TUBB6: variants seen among roughly 807,000 people sequenced by gnomAD.
TUBB6 encodes the protein tubulin beta 6 class V.
In TUBB6, 18 loss-of-function variants were observed where a neutral mutation model predicts 32.3. That is an observed-to-expected ratio of 0.56 (90% confidence interval 0.39 to 0.83). The LOEUF (loss-of-function observed/expected upper bound fraction) is 0.83, where lower values mean the gene tolerates loss of function less well. TUBB6 is among the 40% of genes least tolerant of loss of function. The probability of loss-of-function intolerance (pLI) is 0.00; values close to 1 mark genes in which losing one functional copy is unlikely to be tolerated. For synonymous variants in TUBB6, 280 were observed against 265.8 expected (o/e 1.05, Z -0.52); for missense variants, 480 against 632.0 (o/e 0.76, Z 2.58).
In TUBB6 at chr18:12,308,277, C is replaced by T. The variant is rs1906107745; in HGVS notation, c.-16C>T. 2 of 1,439,720 alleles carry T rather than the reference C, an allele frequency of 1.4e-6. No individual in the cohort carries two copies. Among genetic ancestry groups the T allele is most frequent in the East Asian group, 3.1e-5 (1 of 31,986 alleles). 89.2% of individuals were successfully genotyped at this position (1,439,720 alleles called of 1,614,324 possible). A position where few individuals can be genotyped will look rare whatever the true frequency, so the allele number is the denominator to read the frequency against. ...TCGTCCGCAGAGCCAGTTCCTAGCG[C>T]AGAGCCGCGCCCGCCATGAGGGAGA... On this transcript the variant is annotated 5_prime_UTR_variant, in exon 1 of 4. Coordinates refer to ENST00000317702, the MANE Select transcript of TUBB6 (RefSeq NM_032525.3).
chr18:12,322,116 C>G (rs1037905526), intron 3 of TUBB6, among the ~76,000 whole-genome samples: 30 of 151,192 alleles, frequency 2.0e-4, no homozygotes, highest in Non-Finnish European at 2.9e-5. Context: ...GCCTGGCCAA[C>G]GTGGTGAAAC....
rs762121516 is a variant in TUBB6 at position 12,325,415 on chromosome 18, A to G, written c.626A>G (p.Asp209Gly). The G allele has an allele frequency of 1.2e-6, 2 of 1,614,196 alleles. No individual in the cohort carries two copies. The highest frequency in any genetic ancestry group is 1.7e-6 in the Non-Finnish European group (2 of 1,180,032). Reference protein sequence around the residue: ...TYCIDNEALYDICFRTLKLTT... With the variant: ...TYCIDNEALYGICFRTLKLTT... ...TGCATCGACAACGAGGCGCTCTATG[A>G]CATCTGCTTCCGCACTCTGAAGCTG... is the stretch of plus-strand genomic sequence containing the variant. The change falls in exon 4 of 4, where the codon GAC (aspartate) becomes GGC (glycine). Residue 209 changes from aspartate to glycine, a missense_variant. Transcript: ENST00000317702.
At chr18:12,324,140 C>T (rs1219194470) in intron 3 of TUBB6, among the ~76,000 whole-genome samples, 2 of 152,032 alleles carry the variant, frequency 1.3e-5, no homozygotes, top group African/African-American at 2.4e-5. Flanking sequence ...GAGGCCGAGG[C>T]GGGCGGATCA....
intron 3 of TUBB6, among the ~76,000 whole-genome samples, chr18:12,317,891 T>G (rs7226483): frequency 0.11 from 16,499 of 152,222 alleles, 1,017 homozygotes; most frequent in East Asian, 0.22. Flanking sequence ...GGCAAAATAT[T>G]TTTCAGAAGT....
chr18:12,325,372 A>AATAC lies in TUBB6; in HGVS notation c.585_588dup (p.Asp197TyrfsTer14). On this transcript the variant is annotated frameshift_variant, in exon 4 of 4. Transcript: ENST00000317702. LOFTEE classifies it high-confidence loss of function. ...ACTGTCGGTGCACCAGCTGGTGGAG[A>AATAC]ATACAGACGAGACCTACTGCATCGA... 6.2e-7 allele frequency: 1 copy of AATAC among 1,614,156 alleles called. No individual in the cohort carries two copies. The highest frequency in any genetic ancestry group is 8.5e-7 in the Non-Finnish European group (1 of 1,180,024).
downstream of TUBB6, chr18:12,329,307 C>T: frequency 1.5e-6 from 1 of 684,574 alleles, no homozygotes; most frequent in East Asian, 2.7e-5. Flanking sequence ...ACTCTGGGCT[C>T]AACCTTTCCA....
In TUBB6 at chr18:12,326,033, T is replaced by C; in HGVS notation, c.1244T>C (p.Met415Thr). ...EMEFTEAESN[M>T]NDLVSEYQQY... ...GAGTTCACCGAGGCGGAGAGCAACA[T>C]GAACGACCTGGTATCCGAGTACCAG... Residue 415 changes from methionine to threonine, a missense_variant, in exon 4 of 4, where the codon ATG becomes ACG. Transcript: ENST00000317702. 4 of 1,614,084 alleles carry C rather than the reference T, an allele frequency of 2.5e-6. No individual in the cohort carries two copies. In the South Asian group the frequency reaches 4.4e-5, roughly 18 times the overall value.
At position 12,310,960 on chromosome 18, in the gene TUBB6, A is replaced by G. The variant is rs963060526; in HGVS notation, c.184A>G (p.Arg62Gly). The change falls in exon 3 of 4, where the codon AGG (arginine) becomes GGG (glycine). Residue 62 changes from arginine (R) to glycine (G), a missense_variant. Transcript: ENST00000317702. Reference protein sequence around the residue: ...NESSSQKYVPRAALVDLEPGT... With the variant: ...NESSSQKYVPGAALVDLEPGT... ...TCCTCCAGCTCAGAAATATGTGCCC[A>G]GGGCCGCCCTGGTGGACTTAGAGCC... 3.7e-6 allele frequency: 6 copies of G among 1,611,492 alleles called. No individual in the cohort carries two copies. The highest frequency in any genetic ancestry group is 3.4e-5 in the Admixed American group (2 of 59,080).
At position 12,325,564 on chromosome 18, in the gene TUBB6, C is replaced by T; in HGVS notation, c.775C>T (p.Pro259Ser). ...GCGCAAGCTGGCGGTGAACATGGTGCCCTTCCCGCGCCTGCACTTCTTCAT... is the reference window on the plus strand; with the variant it reads ...GCGCAAGCTGGCGGTGAACATGGTGTCCTTCCCGCGCCTGCACTTCTTCAT... ...DLRKLAVNMV[P>S]FPRLHFFMPG... The change falls in exon 4 of 4, where the codon CCC becomes TCC. Residue 259 changes from proline to serine, a missense_variant. By Grantham distance (74) the Pro-to-Ser change is moderately conservative. Coordinates refer to ENST00000317702, the MANE Select transcript of TUBB6 (RefSeq NM_032525.3). 1 of 1,614,126 alleles carries T rather than the reference C, an allele frequency of 6.2e-7. No homozygotes were observed. The highest frequency in any genetic ancestry group is 8.5e-7 in the Non-Finnish European group (1 of 1,180,030).
intron 3 of TUBB6, among the ~76,000 whole-genome samples, chr18:12,318,028 C>G (rs4796960): frequency 0.79 from 119,789 of 152,052 alleles, 48,483 homozygotes; most frequent in Non-Finnish European, 0.88. Flanking sequence ...CGTCCACTTA[C>G]AGCTAGCTCA....
rs114830368 is a variant in TUBB6, at chr18:12,326,360, A to G, written c.*230A>G. 2.4e-4 allele frequency: 140 copies of G among 591,754 alleles called. 1 individual carries two copies. In the African/African-American group the frequency reaches 2.5e-3, roughly 11 times the overall value. The allele number at this position is 591,754 out of a possible 1,614,324, so 36.7% of individuals were successfully genotyped here. A position where few individuals can be genotyped will look rare whatever the true frequency, so the allele number is the denominator to read the frequency against. On this transcript the variant is annotated 3_prime_UTR_variant, in exon 4 of 4. Coordinates refer to ENST00000317702, the MANE Select transcript of TUBB6 (RefSeq NM_032525.3). Reference sequence around the variant, plus strand: ...GATCACACCATGGAGACTTTCTACTAGAGGACTTGAAAGAGAACTGAGGGG... The same window carrying G: ...GATCACACCATGGAGACTTTCTACTGGAGGACTTGAAAGAGAACTGAGGGG...
chr18:12,313,875 G>C (rs144629670), intron 3 of TUBB6, among the ~76,000 whole-genome samples: 28 of 152,308 alleles, frequency 1.8e-4, no homozygotes, highest in African/African-American at 5.8e-4. Flanking sequence ...ATGCCCACGG[G>C]GGGTGTCTGA....
rs547031114 is a variant in TUBB6 at position 12,319,267 on chromosome 18, T to C, written c.278-5800T>C. On this transcript the variant is annotated intron_variant, in intron 3 of 3. Coordinates refer to ENST00000317702, the MANE Select transcript of TUBB6 (RefSeq NM_032525.3). ...CAAGCAATTCTCCTGCCTCAGCCTC[T>C]GGAGTAGCTGGGATTACAGGCACCT... 6.5e-4 allele frequency among the ~76,000 whole-genome samples: 99 copies of C among 151,668 alleles called. 1 individual carries two copies. In the South Asian group the frequency reaches 0.016, roughly 24 times the overall value.
downstream of TUBB6, among the ~76,000 whole-genome samples, chr18:12,327,379 A>G (rs1598814698): frequency 6.6e-6 from 1 of 152,224 alleles, no homozygotes; most frequent in South Asian, 2.1e-4. Flanking sequence ...GGTTCCCCAC[A>G]GTACAACCAC....
intron 3 of TUBB6, among the ~76,000 whole-genome samples, chr18:12,312,690 A>G (rs1906449770): frequency 6.7e-6 from 1 of 148,874 alleles, no homozygotes; most frequent in Admixed American, 6.7e-5. Flanking sequence ...GCAGGAAACA[A>G]TTTTTTAAAA....
chr18:12,311,084 TTCTTTTATTTTTTTAAATCAAATA>T (rs1221211450), intron 3 of TUBB6, 31 bp downstream of exon 3: 1 of 1,532,476 alleles, frequency 6.5e-7, no homozygotes, highest in Admixed American at 1.8e-5. Context: ...TTTCTTCTTC[TTCTTTTATTTTTTTAAATCAAATA>T]TTTTATATGC....
downstream of TUBB6, chr18:12,329,365 C>G: frequency 1.5e-6 from 1 of 677,658 alleles, no homozygotes; most frequent in Non-Finnish European, 2.6e-6. Flanking sequence ...GCATTTCCCT[C>G]AAGGCCTCCG....
intron 3 of TUBB6, among the ~76,000 whole-genome samples, chr18:12,314,210 T>A (rs1359765092): frequency 6.6e-6 from 1 of 152,060 alleles, no homozygotes; most frequent in Non-Finnish European, 1.5e-5. Flanking sequence ...TCTGGGGGTC[T>A]TCATTTTACT....
upstream of TUBB6, chr18:12,308,180 A>AGCGGC (rs1323356892): frequency 1.5e-6 from 1 of 672,064 alleles, no homozygotes; most frequent in Non-Finnish European, 1.9e-6. Flanking sequence ...GCCATTGGCG[A>AGCGGC]GCGGCGGGGC....
Sources: allele counts gnomAD v4.1 joint callset (sites outside exome capture counted in the v4.1 genomes callset), GRCh38; gene constraint gnomAD v4.1.1; transcripts MANE v1.5; gene names NCBI Gene and HGNC (gene_info 2026-07-23, HGNC 2026-07-21).